The following PLS3 variants were observed in gnomAD, a reference collection of about 807,000 sequenced individuals.
The protein encoded by PLS3 is plastin-3.
In PLS3, 11 loss-of-function variants were observed where a neutral mutation model predicts 46.5. The observed-to-expected ratio is 0.24, with a 90% CI of 0.15 to 0.39. The LOEUF is 0.39. PLS3 is among the 10% of genes least tolerant of loss of function. The pLI, the probability that PLS3 is intolerant of heterozygous loss-of-function variation, is 1.00. For synonymous variants in PLS3, 167 were observed against 162.2 expected (o/e 1.03, Z -0.22); for missense variants, 308 against 461.8 (o/e 0.67, Z 3.05).
chrX:115,635,650 C>CAAAAAAAAAAAAAAAAAA (rs10606256), intron 7 of PLS3, among the ~76,000 whole-genome samples: 1 of 21,899 alleles, frequency 4.6e-5, no homozygotes, highest in African/African-American at 1.0e-4. Context: ...GACTCTGTCT[C>CAAAAAAAAAAAAAAAAAA]AAAAAAAAAA....
At chrX:115,605,700 G>A (rs1214920910) in intron 1 of PLS3, among the ~76,000 whole-genome samples, 2 of 111,252 alleles carry the variant, frequency 1.8e-5, no homozygotes, top group Non-Finnish European at 3.8e-5. Context: ...CTGAGCTCAA[G>A]CGATCTGCCC....
chrX:115,650,342 A>T lies in PLS3; in HGVS notation c.*781A>T, dbSNP rs1402357711. ...TGTCTTAAATCACTTGGTTCAATAC[A>T]TGCTTATTTGTTTTAAAACCTGTAT... On this transcript the variant is annotated 3_prime_UTR_variant, in exon 16 of 16. Coordinates refer to ENST00000355899, the MANE Select transcript of PLS3 (RefSeq NM_005032.7). The T allele has an allele frequency of 1.8e-5, 2 of 111,959 alleles. No individual in the cohort carries two copies. The highest frequency in any genetic ancestry group is 3.8e-5 in the Non-Finnish European group (2 of 53,156). The allele number at this position is 111,959 out of a possible 1,213,427, so 9.2% of individuals were successfully genotyped here.
At chrX:115,597,862 C>T (rs782606138) in intron 1 of PLS3, among the ~76,000 whole-genome samples, 1 of 111,255 alleles carries the variant, frequency 9.0e-6, no homozygotes, top group Non-Finnish European at 1.9e-5. Context: ...TAATGATGTC[C>T]TCTGTTTAGT....
rs782656658 is a variant in PLS3 at position 115,603,300 on chromosome X, T to G, written c.-8-6943T>G. Among the ~76,000 whole-genome samples the G allele has an allele frequency of 6.3e-5, 7 of 110,615 alleles. No individual in the cohort carries two copies. The East Asian group carries it at 8.6e-4, about 14-fold the overall frequency. On this transcript the variant is annotated intron_variant, in intron 1 of 15. Transcript: ENST00000355899. ...TTTATGAAAAAACAAACAAACAAGG[T>G]TTTGTTTGCTTTTGTTTTACTCCCT...
chrX:115,614,637 C>T, intron 2 of PLS3: 2 of 477,942 alleles, frequency 4.2e-6, no homozygotes, highest in African/African-American at 2.6e-5. Flanking sequence ...CTTGATTTCA[C>T]TGCTTAGATC....
Position 115,581,298 on chromosome X carries a change from C to T in PLS3, c.-9+20038C>T, listed in dbSNP as rs910557931. ...CCATATAGCAAAATGGAATATGCTA[C>T]TAAATAGTTGAAATTTAGGGTAATG... is the stretch of plus-strand genomic sequence containing the variant. On this transcript the variant is annotated intron_variant, in intron 1 of 15. Coordinates refer to ENST00000355899, the MANE Select transcript of PLS3 (RefSeq NM_005032.7). 2.7e-5 allele frequency among the ~76,000 whole-genome samples: 3 copies of T among 111,577 alleles called. No individual in the cohort carries two copies. The Admixed American group carries it at 2.9e-4, about 11-fold the overall frequency.
At chrX:115,611,341 G>T (rs191101900) in intron 2 of PLS3, among the ~76,000 whole-genome samples, 1 of 111,482 alleles carries the variant, frequency 9.0e-6, no homozygotes, top group African/African-American at 3.3e-5. Flanking sequence ...ACATGATCGC[G>T]CGCACGCGCG....
chrX:115,586,744 CTTGCCTTTTAGACATGA>C (rs2074312111), intron 1 of PLS3, among the ~76,000 whole-genome samples: 1 of 110,307 alleles, frequency 9.1e-6, no homozygotes, highest in African/African-American at 3.3e-5. Context: ...ATGATAAAGT[CTTGCCTTTTAGACATGA>C]ACCTGATTCA....
At chrX:115,569,035 C>CAAAAAAAA (rs782042707) in intron 1 of PLS3, among the ~76,000 whole-genome samples, 6 of 94,294 alleles carry the variant, frequency 6.4e-5, no homozygotes, top group African/African-American at 2.2e-4. Context: ...GACTCCGTTT[C>CAAAAAAAA]AAAAAAAAAA....
At chrX:115,615,628 G>A (rs184271791) in intron 2 of PLS3, among the ~76,000 whole-genome samples, 1 of 109,696 alleles carries the variant, frequency 9.1e-6, no homozygotes, top group African/African-American at 3.3e-5. Flanking sequence ...TGGGAGCTGC[G>A]TAGTGATTTT....
intron 8 of PLS3, 111 bp from the exon 9 acceptor site, chrX:115,640,297 G>C: frequency 1.5e-6 from 1 of 654,495 alleles, no homozygotes; most frequent in Non-Finnish European, 2.5e-6. Flanking sequence ...GCAGAGATTT[G>C]TGCCATTTAT....
At chrX:115,646,630 A>G in intron 13 of PLS3, 95 bp downstream of exon 13, 2 of 756,768 alleles carry the variant, frequency 2.6e-6, no homozygotes, top group South Asian at 6.8e-5. Context: ...GTCGATAACT[A>G]CACTTTTGAA....
intron 2 of PLS3, among the ~76,000 whole-genome samples, chrX:115,620,377 C>T (rs1569528150): frequency 9.0e-6 from 1 of 111,402 alleles, no homozygotes; most frequent in Non-Finnish European, 1.9e-5. Flanking sequence ...CTTCCCTTAC[C>T]TCATGGAAGT....
At chrX:115,565,874 AGTT>A in intron 1 of PLS3, among the ~76,000 whole-genome samples, 1 of 112,350 alleles carries the variant, frequency 8.9e-6, no homozygotes. Context: ...TTTTCTTAAA[AGTT>A]TAGAAACGTA....
At chrX:115,606,073 C>G (rs2074488149) in intron 1 of PLS3, among the ~76,000 whole-genome samples, 1 of 91,658 alleles carries the variant, frequency 1.1e-5, no homozygotes, top group Middle Eastern at 6.5e-3. Context: ...AACTGGTCAG[C>G]AGGGATAAGG....
intron 14 of PLS3, 23 bp from the exon 15 acceptor site, chrX:115,647,870 G>A (rs2074968208): frequency 8.3e-7 from 1 of 1,200,989 alleles, no homozygotes; most frequent in Non-Finnish European, 1.1e-6. Flanking sequence ...AAAATTCTCA[G>A]ATTTGTTCTC....
intron 1 of PLS3, among the ~76,000 whole-genome samples, chrX:115,574,203 C>A (rs988796768): frequency 9.0e-6 from 1 of 111,546 alleles, no homozygotes; most frequent in African/African-American, 3.3e-5. Context: ...TGAGAAAAAG[C>A]CCCATTTTCC....
At chrX:115,590,934 C>T (rs1017527321) in intron 1 of PLS3, among the ~76,000 whole-genome samples, 1 of 110,951 alleles carries the variant, frequency 9.0e-6, no homozygotes. Context: ...GTCAGGAGAT[C>T]GAGACCATCC....
intron 1 of PLS3, among the ~76,000 whole-genome samples, chrX:115,601,168 C>A (rs2074439224): frequency 9.1e-6 from 1 of 109,710 alleles, no homozygotes; most frequent in Non-Finnish European, 1.9e-5. Flanking sequence ...ACCCAGTGGT[C>A]TCTCCAGGGA....
Sources: allele counts gnomAD v4.1 joint callset (sites outside exome capture counted in the v4.1 genomes callset), GRCh38; gene constraint gnomAD v4.1.1; transcripts MANE v1.5; gene names NCBI Gene and HGNC (gene_info 2026-07-23, HGNC 2026-07-21).